The following GLRX3 variants were observed in gnomAD, a reference collection of about 807,000 sequenced individuals.
The protein encoded by GLRX3 is glutaredoxin 3.
GLRX3 carries 22 observed loss-of-function variants against 49.5 expected under a neutral mutation model. The ratio of observed to expected loss-of-function variants is 0.44; its 90% CI spans 0.32 to 0.63. The LOEUF is 0.63. Among genes scored for constraint, GLRX3 ranks in the 30% least tolerant of loss-of-function variants. GLRX3 has a pLI of 0.05. For missense variants in GLRX3, 385 were observed against 396.3 expected (o/e 0.97, Z 0.24); for synonymous variants, 133 against 140.0 (o/e 0.95, Z 0.35).
intron 2 of GLRX3, among the ~76,000 whole-genome samples, chr10:130,152,924 A>T (rs963253446): frequency 6.6e-6 from 1 of 151,802 alleles, no homozygotes; most frequent in African/African-American, 2.4e-5. Flanking sequence ...TCTCCCTGTC[A>T]CTTTCAGGTA....
At chr10:130,139,422 G>A (rs570987733) in intron 1 of GLRX3, among the ~76,000 whole-genome samples, 175 of 151,412 alleles carry the variant, frequency 1.2e-3, no homozygotes, top group African/African-American at 4.2e-3. Flanking sequence ...GGTGGATCAC[G>A]AGGTCAGGAG....
chr10:130,137,460 A>G (rs1862082435), intron 1 of GLRX3, among the ~76,000 whole-genome samples: 1 of 151,614 alleles, frequency 6.6e-6, no homozygotes, highest in African/African-American at 2.4e-5. Flanking sequence ...TGTTATGGGA[A>G]CTCTTATGTC....
chr10:130,168,420 A>T (rs1862735318), intron 6 of GLRX3, among the ~76,000 whole-genome samples: 1 of 152,094 alleles, frequency 6.6e-6, no homozygotes, highest in Admixed American at 6.6e-5. Flanking sequence ...GATGCATTTC[A>T]TTTGGGATGA....
intron 2 of GLRX3, among the ~76,000 whole-genome samples, chr10:130,150,208 C>G (rs1248194566): frequency 2.0e-5 from 3 of 148,826 alleles, no homozygotes; most frequent in Non-Finnish European, 3.0e-5. Flanking sequence ...CCACTGCATT[C>G]CAGCCTGGAT....
At chr10:130,140,871 G>C (rs1256526079) in intron 1 of GLRX3, among the ~76,000 whole-genome samples, 1 of 152,156 alleles carries the variant, frequency 6.6e-6, no homozygotes, top group Non-Finnish European at 1.5e-5. Flanking sequence ...GATTTGCTAC[G>C]TAAAGTAGTG....
intron 6 of GLRX3, among the ~76,000 whole-genome samples, chr10:130,167,616 T>A (rs745827329): frequency 1.3e-5 from 2 of 152,158 alleles, no homozygotes; most frequent in Non-Finnish European, 2.9e-5. Flanking sequence ...TATAGAACTT[T>A]AAAAAGGAAT....
intron 10 of GLRX3, among the ~76,000 whole-genome samples, chr10:130,178,231 A>G (rs1862959453): frequency 6.6e-6 from 1 of 152,078 alleles, no homozygotes. Flanking sequence ...GTAGACTTTT[A>G]ACGTCACACT....
chr10:130,146,241 A>C (rs1360239629), intron 2 of GLRX3, among the ~76,000 whole-genome samples: 1 of 152,216 alleles, frequency 6.6e-6, no homozygotes. Context: ...TAGTAACACA[A>C]ATTATGTCAT....
chr10:130,139,661 A>G (rs1167599490), intron 1 of GLRX3, among the ~76,000 whole-genome samples: 2 of 151,450 alleles, frequency 1.3e-5, no homozygotes, highest in Non-Finnish European at 2.9e-5. Flanking sequence ...AAAACCAAAA[A>G]AAGAATATCA....
At chr10:130,148,314 A>G (rs1862305828) in intron 2 of GLRX3, among the ~76,000 whole-genome samples, 1 of 151,324 alleles carries the variant, frequency 6.6e-6, no homozygotes, top group African/African-American at 2.4e-5. Context: ...TATTTTTTGT[A>G]GCGATACGGT....
downstream of GLRX3, chr10:130,180,055 A>G (rs1313988934): frequency 6.6e-6 from 1 of 152,162 alleles, no homozygotes; most frequent in Non-Finnish European, 1.5e-5. Context: ...AGTCATGACA[A>G]AGAATGGAAA....
Position 130,166,619 on chromosome 10 carries a change from G to A in GLRX3, c.591G>A (p.Trp197Ter). 1 of 1,611,294 alleles carries A rather than the reference G, an allele frequency of 6.2e-7. No individual in the cohort carries two copies. Among genetic ancestry groups the A allele is most frequent in the East Asian group, 2.2e-5 (1 of 44,842 alleles). Residue 197 changes from tryptophan to a stop codon, truncating the protein, a stop_gained, in exon 5 of 11, where the codon TGG becomes TGA. Coordinates refer to ENST00000331244, the MANE Select transcript of GLRX3 (RefSeq NM_006541.5). LOFTEE classifies it high-confidence loss of function. Reference sequence around the variant, plus strand: ...AGGGACTCAAAGCCTATTCCAGTTGGCCTACCTATCCTCAGCTCTATGTTT... The same window carrying A: ...AGGGACTCAAAGCCTATTCCAGTTGACCTACCTATCCTCAGCTCTATGTTT... ...VRQGLKAYSS[W>*]PTYPQLYVSG...
chr10:130,155,778 A>C (rs950094697), intron 2 of GLRX3, among the ~76,000 whole-genome samples: 1 of 152,152 alleles, frequency 6.6e-6, no homozygotes, highest in Non-Finnish European at 1.5e-5. Flanking sequence ...CAGGAGAATG[A>C]GTGTGGATAG....
chr10:130,159,524 C>G (rs1862536554), intron 2 of GLRX3, among the ~76,000 whole-genome samples: 1 of 152,140 alleles, frequency 6.6e-6, no homozygotes, highest in East Asian at 1.9e-4. Context: ...AGAAATAGTC[C>G]TTTTTGCTTC....
At chr10:130,144,675 AT>A (rs931111920) in intron 1 of GLRX3, among the ~76,000 whole-genome samples, 10 of 152,178 alleles carry the variant, frequency 6.6e-5, no homozygotes, top group Non-Finnish European at 1.3e-4. Context: ...TCCATGGTAT[AT>A]ATGTGCCACA....
chr10:130,176,688 C>T (rs1480878071), intron 10 of GLRX3, among the ~76,000 whole-genome samples: 2 of 151,980 alleles, frequency 1.3e-5, no homozygotes, highest in East Asian at 3.9e-4. Flanking sequence ...AAGACTATTG[C>T]TCTTGAATAG....
intron 1 of GLRX3, among the ~76,000 whole-genome samples, chr10:130,143,733 T>G (rs960600482): frequency 3.3e-5 from 5 of 151,934 alleles, no homozygotes; most frequent in Admixed American, 6.6e-5. Context: ...AGTCTTGCTC[T>G]GCCATCCAGG....
At chr10:130,141,372 A>G (rs1376236242) in intron 1 of GLRX3, among the ~76,000 whole-genome samples, 1 of 152,220 alleles carries the variant, frequency 6.6e-6, no homozygotes, top group African/African-American at 2.4e-5. Flanking sequence ...AAATTGAAGT[A>G]TTACATACAG....
rs564231423 is a variant in GLRX3 at position 130,159,494 on chromosome 10, A to G, written c.202-501A>G. 6.4e-4 allele frequency among the ~76,000 whole-genome samples: 98 copies of G among 152,352 alleles called. 2 individuals are homozygous for G. Among genetic ancestry groups the G allele is most frequent in the Non-Finnish European group, 8.8e-5 (6 of 68,032 alleles). On this transcript the variant is annotated intron_variant, in intron 2 of 10. Coordinates refer to ENST00000331244, the MANE Select transcript of GLRX3 (RefSeq NM_006541.5). ...GCAGGAGTTAAAAGCAAAATTTATC[A>G]GACATCAATAGTTTATTGAAGAAAT... is the stretch of plus-strand genomic sequence containing the variant.
Sources: gnomAD v4.1 joint callset for allele counts (sites outside exome capture counted in the v4.1 genomes callset) on GRCh38, gnomAD v4.1.1 for gene constraint, MANE v1.5 for transcripts, NCBI Gene and HGNC (gene_info 2026-07-23, HGNC 2026-07-21) for gene names.